TAF12: variants seen among roughly 807,000 people sequenced by gnomAD.
TAF12 encodes TATA-box binding protein associated factor 12.
In TAF12, 3 loss-of-function variants were observed where a neutral mutation model predicts 20.8. The observed-to-expected ratio is 0.14, with a 90% confidence interval of 0.07 to 0.37. The LOEUF is 0.37. Ranked by LOEUF, TAF12 falls within the 10% of genes least tolerant of loss-of-function variation. The pLI, the probability that TAF12 is intolerant of heterozygous loss-of-function variation, is 1.00. For synonymous variants in TAF12, 69 were observed against 70.2 expected, an observed-to-expected ratio of 0.98 and a Z score of 0.09; for missense variants, 131 against 197.9, an observed-to-expected ratio of 0.66 and a Z score of 2.03.
At chr1:28,619,879 G>A (rs1199185707) in intron 2 of TAF12, among the ~76,000 whole-genome samples, 2 of 151,390 alleles carry the variant, frequency 1.3e-5, no homozygotes, top group Admixed American at 6.6e-5. Context: ...GAATTGGGAG[G>A]AGGAGGTTGC....
chr1:28,622,122 A>G lies in TAF12; in HGVS notation c.-41T>C. The stretch of plus-strand genomic sequence containing the variant: ...GGACTTCAGCTCATAGAGCTTATCG[A>G]GATCCTGTTTCTTTTTGGAGCTGTG... On this transcript the variant is annotated 5_prime_UTR_variant, in exon 2 of 6. Coordinates refer to ENST00000373824, the MANE Select transcript of TAF12 (RefSeq NM_005644.4). 6.4e-7 allele frequency: 1 copy of G among 1,569,980 alleles called. No homozygotes were observed.
In TAF12 at chr1:28,621,897, G is replaced by C. The variant is rs766482084; in HGVS notation, c.168+17C>G. ...GTAAGAAGTGGCTACAGAGAAGAAA[G>C]AGTAAGAGGATGATACCTGATTGTT... On this transcript the variant is annotated intron_variant, in intron 2 of 5. Coordinates refer to ENST00000373824, the MANE Select transcript of TAF12 (RefSeq NM_005644.4). 8 of 1,610,790 alleles carry C rather than the reference G, an allele frequency of 5.0e-6. No homozygotes were observed. The highest frequency in any genetic ancestry group is 6.8e-6 in the Non-Finnish European group (8 of 1,179,132).
chr1:28,631,311 CAGG>C (rs1235211859), intron 1 of TAF12, among the ~76,000 whole-genome samples: 2 of 151,214 alleles, frequency 1.3e-5, no homozygotes, highest in Non-Finnish European at 2.9e-5. Context: ...CACCTGAGGT[CAGG>C]AGTTTGAGAC....
At chr1:28,621,797 A>C (rs1022078885) in intron 2 of TAF12, 117 bp downstream of exon 2, 1 of 1,456,668 alleles carries the variant, frequency 6.9e-7, no homozygotes, top group African/African-American at 1.5e-5. Flanking sequence ...AAGAGGGAAA[A>C]GACCTTTTCG....
intron 4 of TAF12, among the ~76,000 whole-genome samples, chr1:28,606,915 T>C (rs1351907783): frequency 1.3e-5 from 2 of 152,222 alleles, no homozygotes; most frequent in African/African-American, 4.8e-5. Flanking sequence ...ACATAAGGCA[T>C]GTGAAGTATT....
intron 1 of TAF12, among the ~76,000 whole-genome samples, chr1:28,638,885 G>A (rs142623297): frequency 0.011 from 1,530 of 143,314 alleles, 21 homozygotes; most frequent in African/African-American, 0.031. Flanking sequence ...TCCACCTCCC[G>A]GGTTCACGCC....
chr1:28,624,696 G>A (rs1429499931), intron 1 of TAF12, among the ~76,000 whole-genome samples: 1 of 151,852 alleles, frequency 6.6e-6, no homozygotes, highest in African/African-American at 2.4e-5. Flanking sequence ...GCAGTGAGCC[G>A]AGATCAGGCC....
At chr1:28,606,461 G>C (rs1206768934) in intron 4 of TAF12, among the ~76,000 whole-genome samples, 1 of 151,174 alleles carries the variant, frequency 6.6e-6, no homozygotes, top group Non-Finnish European at 1.5e-5. Context: ...TTTTTGTAGA[G>C]AGGGGGTCTT....
upstream of TAF12, among the ~76,000 whole-genome samples, chr1:28,647,332 G>C (rs1668220302): frequency 6.6e-6 from 1 of 151,882 alleles, no homozygotes; most frequent in Non-Finnish European, 1.5e-5. Flanking sequence ...CTGTCACCTA[G>C]GCTGGAGTGC....
At chr1:28,637,791 G>A (rs913105684) in intron 1 of TAF12, among the ~76,000 whole-genome samples, 1 of 152,140 alleles carries the variant, frequency 6.6e-6, no homozygotes, top group African/African-American at 2.4e-5. Flanking sequence ...AGTGCAGCCT[G>A]TAAACATTGC....
chr1:28,648,112 G>C, upstream of TAF12: 1 of 967,982 alleles, frequency 1.0e-6, no homozygotes, highest in Non-Finnish European at 1.2e-6. Context: ...CGCCTGCCTG[G>C]GCTGCTCCAA....
intron 2 of TAF12, among the ~76,000 whole-genome samples, chr1:28,619,939 A>T (rs1667156964): frequency 1.3e-5 from 2 of 150,376 alleles, no homozygotes; most frequent in African/African-American, 4.9e-5. Context: ...ATAGAGCGAG[A>T]CTCTGTCTCA....
chr1:28,624,054 A>G, intron 1 of TAF12: 1 of 981,414 alleles, frequency 1.0e-6, no homozygotes, highest in Non-Finnish European at 1.2e-6. Context: ...ACTGGCATCA[A>G]GCACCATCCT....
intron 4 of TAF12, among the ~76,000 whole-genome samples, chr1:28,607,542 G>C (rs1666708682): frequency 6.6e-6 from 1 of 152,104 alleles, no homozygotes; most frequent in African/African-American, 2.4e-5. Flanking sequence ...CATGGTGGCA[G>C]GTGCCTATAA....
At chr1:28,618,783 G>A (rs1028070692) in intron 2 of TAF12, among the ~76,000 whole-genome samples, 6 of 151,882 alleles carry the variant, frequency 4.0e-5, no homozygotes, top group Non-Finnish European at 4.4e-5. Flanking sequence ...CTTTATCATT[G>A]TGCATATTTA....
rs993670172 is a variant in TAF12, at chr1:28,603,155, C to T, written c.*384G>A. The T allele has an allele frequency of 5.5e-6, 1 of 182,264 alleles. No homozygotes were observed. Among genetic ancestry groups the T allele is most frequent in the African/African-American group, 2.4e-5 (1 of 42,460 alleles). The allele number at this position is 182,264 out of a possible 1,614,324, so 11.3% of individuals were successfully genotyped here. ...AATGAAAGTCATATTCATATAAACA[C>T]TGACATTACAAAGTACAGGGAAAAG... On this transcript the variant is annotated 3_prime_UTR_variant, in exon 6 of 6. Coordinates refer to ENST00000373824, the MANE Select transcript of TAF12 (RefSeq NM_005644.4).
At chr1:28,614,459 G>A (rs573073822) in intron 3 of TAF12, among the ~76,000 whole-genome samples, 1 of 151,372 alleles carries the variant, frequency 6.6e-6, no homozygotes, top group East Asian at 2.0e-4. Context: ...CAAGGCAGGT[G>A]GATCAACTGA....
intron 4 of TAF12, among the ~76,000 whole-genome samples, chr1:28,606,902 A>G (rs999462090): frequency 4.1e-4 from 62 of 152,220 alleles, no homozygotes; most frequent in African/African-American, 1.4e-3. Flanking sequence ...GGGGCATTCA[A>G]TGACATAAGG....
At chr1:28,608,302 G>A (rs939199209) in intron 4 of TAF12, among the ~76,000 whole-genome samples, 8 of 150,904 alleles carry the variant, frequency 5.3e-5, no homozygotes, top group African/African-American at 1.2e-4. Flanking sequence ...CCAAGATCGC[G>A]CCACTGCACT....
Sources: allele counts gnomAD v4.1 joint callset (sites outside exome capture counted in the v4.1 genomes callset), GRCh38; gene constraint gnomAD v4.1.1; transcripts MANE v1.5; gene names NCBI Gene and HGNC (gene_info 2026-07-23, HGNC 2026-07-21).